The following SETX variants were observed in gnomAD, a reference collection of about 807,000 sequenced individuals.
The protein encoded by SETX is helicase senataxin.
In SETX, 90 loss-of-function variants were observed where a neutral mutation model predicts 227.2. That is an observed-to-expected ratio of 0.40 (90% CI 0.33 to 0.47). The LOEUF (loss-of-function observed/expected upper bound fraction) is 0.47, where lower values mean the gene tolerates loss of function less well. SETX is among the 20% of genes least tolerant of loss of function. The probability of loss-of-function intolerance (pLI) is 0.91; values close to 1 mark genes in which losing one functional copy is unlikely to be tolerated. For missense variants in SETX, 3,052 were observed against 3,181.5 expected, an observed-to-expected ratio of 0.96 and a Z score of 0.98; for synonymous variants, 1,210 against 1,113.2, an observed-to-expected ratio of 1.09 and a Z score of -1.73.
Position 132,282,854 on chromosome 9 carries a change from C to T in SETX, c.6546+410G>A, listed in dbSNP as rs143996419. ...CCATCTCTTTTGTCTTCTGACTCTA[C>T]GTTCTGACAAACAGTACGTACCCAA... On this transcript the variant is annotated intron_variant, in intron 19 of 25. Transcript: ENST00000224140. 14 of 229,900 alleles carry T rather than the reference C, an allele frequency of 6.1e-5. 1 individual carries two copies. The highest frequency in any genetic ancestry group is 1.5e-4 in the Admixed American group (3 of 19,672). The allele number at this position is 229,900 out of a possible 1,614,324, so 14.2% of individuals were successfully genotyped here.
chr9:132,281,670 T>A, intron 19 of SETX, 96 bp from the exon 20 acceptor site: 1 of 867,426 alleles, frequency 1.2e-6, no homozygotes, highest in East Asian at 2.5e-5. Flanking sequence ...CAGAAAAGTA[T>A]CACACTTCTC....
chr9:132,281,403 C>G, intron 20 of SETX, 64 bp downstream of exon 20: 1 of 1,195,914 alleles, frequency 8.4e-7, no homozygotes, highest in Admixed American at 1.7e-5. Context: ...GTCTCTCCCT[C>G]CTGAAAACAA....
rs1056774417 is a variant in SETX at position 132,337,060 on chromosome 9, C to T, written c.499-545G>A. ...CAGCCTGGGCGACAAGAGTAAGACT[C>T]CATCTCAAAAAATATATATATAATA... On this transcript the variant is annotated intron_variant, in intron 5 of 25. Coordinates refer to ENST00000224140, the MANE Select transcript of SETX (RefSeq NM_015046.7). Among the ~76,000 whole-genome samples, 4 of 152,048 alleles carry T rather than the reference C, an allele frequency of 2.6e-5. No homozygotes were observed. The East Asian group carries it at 5.8e-4, about 22-fold the overall frequency.
rs778320862 is a variant in SETX at position 132,283,408 on chromosome 9, T to C, written c.6402A>G (p.Gln2134=). Residue 2134 remains glutamine (Q), a synonymous_variant, in exon 19 of 26, where the codon CAA becomes CAG. Coordinates refer to ENST00000224140, the MANE Select transcript of SETX (RefSeq NM_015046.7). ...QELASKIKEV[Q]GRPQKTQSII... ...TACTCTGTGTTTTCTGTGGGCGTCCTTGAACCTAAGAGAACAAAGGTTAAA... is the reference window on the plus strand; with the variant it reads ...TACTCTGTGTTTTCTGTGGGCGTCCCTGAACCTAAGAGAACAAAGGTTAAA... 6.2e-7 allele frequency: 1 copy of C among 1,614,206 alleles called. No individual in the cohort carries two copies. Among genetic ancestry groups the C allele is most frequent in the African/African-American group, 1.3e-5 (1 of 75,062 alleles).
chr9:132,308,899 G>A (rs933479370), intron 11 of SETX, among the ~76,000 whole-genome samples: 2 of 152,144 alleles, frequency 1.3e-5, no homozygotes. Flanking sequence ...AGCACTTTGG[G>A]AGGCCAAGAC....
At chr9:132,281,887 T>C (rs1438632566) in intron 19 of SETX, among the ~76,000 whole-genome samples, 2 of 151,836 alleles carry the variant, frequency 1.3e-5, no homozygotes, top group Non-Finnish European at 2.9e-5. Context: ...CTGGGCGTGG[T>C]GGCAAGTGCC....
At chr9:132,337,612 T>C (rs1418583130) in intron 5 of SETX, among the ~76,000 whole-genome samples, 1 of 152,218 alleles carries the variant, frequency 6.6e-6, no homozygotes, top group African/African-American at 2.4e-5. Flanking sequence ...ATGAGCTCTA[T>C]GCCAACATAA....
At chr9:132,345,945 G>A (rs990189933) in intron 4 of SETX, among the ~76,000 whole-genome samples, 17 of 152,172 alleles carry the variant, frequency 1.1e-4, no homozygotes, top group African/African-American at 3.9e-4. Flanking sequence ...CTTGAGCCCA[G>A]GAGGTAGAGG....
chr9:132,268,549 C>T (rs2182905), intron 25 of SETX, among the ~76,000 whole-genome samples: 58,938 of 150,068 alleles, frequency 0.39, 13,104 homozygotes, highest in East Asian at 0.7. Context: ...GTGAGATTAA[C>T]TTAAAGGCTT....
rs149229231 is a variant in SETX, at chr9:132,349,348, G to A, written c.81C>T (p.Ser27=). ...FLKRYASNTP[S]GEFQTADEDL... is the part of the protein sequence containing the mutation. ...CTTCGTCGGCTGTTTGAAATTCACC[G>A]GACGGAGTGTTGGAAGCATAGCGCT... Residue 27 remains serine, a synonymous_variant, in exon 3 of 26, where the codon TCC becomes TCT. Transcript: ENST00000224140. 1.3e-4 allele frequency: 211 copies of A among 1,614,042 alleles called. No individual in the cohort carries two copies. In the African/African-American group the frequency reaches 2.0e-3, roughly 15 times the overall value.
chr9:132,349,199 T>C, intron 3 of SETX, 53 bp downstream of exon 3: 1 of 1,540,520 alleles, frequency 6.5e-7, no homozygotes, highest in African/African-American at 1.4e-5. Flanking sequence ...TCAAACTTAC[T>C]CTCTTCCCAG....
In SETX at chr9:132,264,710, A is replaced by G. The variant is rs112273527; in HGVS notation, c.7563T>C (p.Thr2521=). The change falls in exon 26 of 26, where the codon ACT becomes ACC. Residue 2521 remains threonine, a synonymous_variant. Transcript: ENST00000224140. ...TPSDSKEITL[T]VTSKDPERPP... ...GTCTTTCAGGGTCCTTTGAAGTAACAGTAAGAGTAATTTCCTTGGAGTCAG... is the reference window on the plus strand; with the variant it reads ...GTCTTTCAGGGTCCTTTGAAGTAACGGTAAGAGTAATTTCCTTGGAGTCAG... The G allele has an allele frequency of 6.2e-7, 1 of 1,614,188 alleles. No individual in the cohort carries two copies. Among genetic ancestry groups the G allele is most frequent in the South Asian group, 1.1e-5 (1 of 91,084 alleles).
chr9:132,281,335 C>T, intron 20 of SETX, 132 bp downstream of exon 20: 1 of 684,958 alleles, frequency 1.5e-6, no homozygotes, highest in South Asian at 1.6e-5. Context: ...AAGTGCTTCT[C>T]TTTTCTTAGT....
Position 132,265,328 on chromosome 9 carries a change from C to G in SETX, c.7288-343G>C, listed in dbSNP as rs534132717. 5.3e-5 allele frequency among the ~76,000 whole-genome samples: 8 copies of G among 151,202 alleles called. No individual in the cohort carries two copies. In the South Asian group the frequency reaches 1.7e-3, roughly 32 times the overall value. The stretch of plus-strand genomic sequence containing the variant: ...GCAACCTCCACCTCCCGGGTTCACG[C>G]CATTCTCCTGCCTCAACCTCCCGAG... On this transcript the variant is annotated intron_variant, in intron 25 of 25. Coordinates refer to ENST00000224140, the MANE Select transcript of SETX (RefSeq NM_015046.7).
At chr9:132,352,521 G>A (rs924648679) in intron 2 of SETX, among the ~76,000 whole-genome samples, 1 of 152,170 alleles carries the variant, frequency 6.6e-6, no homozygotes, top group Non-Finnish European at 1.5e-5. Flanking sequence ...GGAGGCCGAG[G>A]CGTGAGGGAT....
At chr9:132,337,882 A>C (rs1295336640) in intron 5 of SETX, among the ~76,000 whole-genome samples, 1 of 152,186 alleles carries the variant, frequency 6.6e-6, no homozygotes, top group Non-Finnish European at 1.5e-5. Context: ...TAAACAATAG[A>C]AATTACACAG....
chr9:132,349,136 A>C, intron 3 of SETX, 116 bp downstream of exon 3: 19 of 1,077,154 alleles, frequency 1.8e-5, no homozygotes, highest in African/African-American at 3.2e-5. Context: ...CAAAAAAAAA[A>C]ACCCACAAAG....
intron 1 of SETX, 26 bp downstream of exon 1, chr9:132,354,891 G>C (rs937157881): frequency 6.6e-6 from 1 of 152,486 alleles, no homozygotes; most frequent in African/African-American, 2.4e-5. Flanking sequence ...CCCGACCTAC[G>C]GCCTCCAGCC....
At chr9:132,293,902 T>C (rs893698325) in intron 15 of SETX, among the ~76,000 whole-genome samples, 1 of 151,874 alleles carries the variant, frequency 6.6e-6, no homozygotes, top group Admixed American at 6.6e-5. Flanking sequence ...CGGGCGCCTA[T>C]AGTCCCAGCT....
Sources: gnomAD v4.1 joint callset for allele counts (sites outside exome capture counted in the v4.1 genomes callset) on GRCh38, gnomAD v4.1.1 for gene constraint, MANE v1.5 for transcripts, NCBI Gene and HGNC (gene_info 2026-07-23, HGNC 2026-07-21) for gene names.